Variants in CPE observed in about 807,000 individuals in gnomAD.
The protein encoded by CPE is carbocypeptidase E.
A neutral mutation model predicts 53.5 loss-of-function variants in CPE; 17 were observed. That is an observed-to-expected ratio of 0.32 (90% confidence interval 0.22 to 0.48). The LOEUF (loss-of-function observed/expected upper bound fraction) is 0.48. Ranked by LOEUF, CPE falls within the 20% of genes least tolerant of loss-of-function variation. The pLI is 0.99. For missense variants in CPE, 524 were observed against 614.7 expected (o/e 0.85, Z 1.56); for synonymous variants, 226 against 228.8 (o/e 0.99, Z 0.11).
At chr4:165,472,950 G>A (rs1732234552) in intron 3 of CPE, among the ~76,000 whole-genome samples, 1 of 144,248 alleles carries the variant, frequency 6.9e-6, no homozygotes, top group African/African-American at 2.8e-5. Flanking sequence ...TACTAGGTTT[G>A]CAGCTTAGGA....
chr4:165,410,423 G>A (rs1358183998), intron 1 of CPE, among the ~76,000 whole-genome samples: 1 of 152,008 alleles, frequency 6.6e-6, no homozygotes, highest in Admixed American at 6.6e-5. Context: ...ACATCACACC[G>A]GCACTGGGTA....
intron 2 of CPE, among the ~76,000 whole-genome samples, chr4:165,467,065 A>G (rs1732118270): frequency 6.6e-6 from 1 of 152,196 alleles, no homozygotes; most frequent in South Asian, 2.1e-4. Flanking sequence ...GCTTATATCT[A>G]TAATCCCAGT....
chr4:165,456,282 G>A (rs559040923), intron 1 of CPE, among the ~76,000 whole-genome samples: 1 of 151,952 alleles, frequency 6.6e-6, no homozygotes, highest in Non-Finnish European at 1.5e-5. Context: ...ATATACTCTC[G>A]TGAGTCAGTA....
intron 1 of CPE, among the ~76,000 whole-genome samples, chr4:165,396,331 A>C (rs1369061304): frequency 6.6e-6 from 1 of 152,166 alleles, no homozygotes; most frequent in African/African-American, 2.4e-5. Flanking sequence ...GATCTAAAGA[A>C]GTGAGCTATC....
At position 165,379,598 on chromosome 4, in the gene CPE, C is replaced by A; in HGVS notation, c.307+70C>A. 1 of 185,834 alleles carries A rather than the reference C, an allele frequency of 5.4e-6. No homozygotes were observed. Among genetic ancestry groups the A allele is most frequent in the Non-Finnish European group, 1.1e-5 (1 of 92,718 alleles). The allele number at this position is 185,834 out of a possible 1,614,324, so 11.5% of individuals were successfully genotyped here. On this transcript the variant is annotated intron_variant, in intron 1 of 8. Coordinates refer to ENST00000402744, the MANE Select transcript of CPE (RefSeq NM_001873.4). The surrounding 1 kb of genome is among the most constrained non-coding windows in gnomAD (Gnocchi z 6.0). ...GGGCGGCAGAGGGTGGGACTGGTGGCGGTGGGGGAAGGAGGGAGGGATGGG... is the reference window on the plus strand; with the variant it reads ...GGGCGGCAGAGGGTGGGACTGGTGGAGGTGGGGGAAGGAGGGAGGGATGGG...
chr4:165,430,246 G>A (rs146806575), intron 1 of CPE, among the ~76,000 whole-genome samples: 2 of 152,294 alleles, frequency 1.3e-5, no homozygotes, highest in African/African-American at 4.8e-5. Context: ...TTTGGAAGAA[G>A]TAATCTTAGT....
At chr4:165,432,679 C>G (rs985906784) in intron 1 of CPE, among the ~76,000 whole-genome samples, 1 of 152,126 alleles carries the variant, frequency 6.6e-6, no homozygotes, top group African/African-American at 2.4e-5. Context: ...CTCCTTTTCC[C>G]TCAGTAATTT....
intron 1 of CPE, among the ~76,000 whole-genome samples, chr4:165,433,636 C>A (rs1022464387): frequency 2.0e-5 from 3 of 152,146 alleles, no homozygotes; most frequent in Admixed American, 2.0e-4. Flanking sequence ...GAGAAAGCAG[C>A]CATAGCCAGT....
intron 1 of CPE, among the ~76,000 whole-genome samples, chr4:165,420,768 C>T (rs1731198514): frequency 6.6e-6 from 1 of 152,050 alleles, no homozygotes; most frequent in Non-Finnish European, 1.5e-5. Flanking sequence ...TTCAAATAAC[C>T]ATTCTTCTGA....
intron 1 of CPE, chr4:165,404,881 C>G: frequency 2.6e-6 from 2 of 763,114 alleles, no homozygotes. Flanking sequence ...CAATCACCTT[C>G]TCAGGTCTTT....
chr4:165,416,113 C>T (rs926276684), intron 1 of CPE, among the ~76,000 whole-genome samples: 6 of 152,220 alleles, frequency 3.9e-5, no homozygotes, highest in African/African-American at 1.4e-4. Flanking sequence ...TACTTCCCTA[C>T]TCCTGCGCCA....
At chr4:165,435,694 A>G (rs1184205737) in intron 1 of CPE, among the ~76,000 whole-genome samples, 3 of 148,246 alleles carry the variant, frequency 2.0e-5, no homozygotes, top group Admixed American at 6.7e-5. Context: ...TTTATCGTAT[A>G]TAATAATACG....
intron 3 of CPE, among the ~76,000 whole-genome samples, chr4:165,478,811 C>T (rs1482255412): frequency 6.6e-6 from 1 of 152,176 alleles, no homozygotes; most frequent in African/African-American, 2.4e-5. Flanking sequence ...ACCAACCCTC[C>T]CTCTCAGAGA....
At chr4:165,488,348 A>G (rs1732543419) in intron 6 of CPE, among the ~76,000 whole-genome samples, 1 of 152,204 alleles carries the variant, frequency 6.6e-6, no homozygotes, top group African/African-American at 2.4e-5. Context: ...GATCTTTACC[A>G]GAGAGTCATT....
rs1234597764 is a variant in CPE, at chr4:165,404,540, G to C, written c.307+25012G>C. On this transcript the variant is annotated intron_variant, in intron 1 of 8. Coordinates refer to ENST00000402744, the MANE Select transcript of CPE (RefSeq NM_001873.4). ...TCCACCTCCAAACTGCTCCCCAAAG[G>C]CTTTGCCCAGATCTTTGGCCACATG... 5 of 880,522 alleles carry C rather than the reference G, an allele frequency of 5.7e-6. No individual in the cohort carries two copies. The East Asian group carries it at 1.2e-4, about 21-fold the overall frequency. 54.5% of individuals were successfully genotyped at this position (880,522 alleles called of 1,614,324 possible).
At chr4:165,391,554 A>G (rs929792126) in intron 1 of CPE, among the ~76,000 whole-genome samples, 3 of 152,152 alleles carry the variant, frequency 2.0e-5, no homozygotes, top group East Asian at 3.8e-4. Context: ...ACATTCATTC[A>G]CCAGGCATTT....
chr4:165,452,412 T>C (rs1731828748), intron 1 of CPE, among the ~76,000 whole-genome samples: 1 of 152,072 alleles, frequency 6.6e-6, no homozygotes, highest in African/African-American at 2.4e-5. Flanking sequence ...TATAATTATA[T>C]ATTTATGTAC....
At chr4:165,480,999 T>C (rs1167729938) in intron 3 of CPE, among the ~76,000 whole-genome samples, 1 of 110,840 alleles carries the variant, frequency 9.0e-6, no homozygotes, top group African/African-American at 3.5e-5. Context: ...ACAATGGATA[T>C]ATATATATAT....
rs567297358 is a variant in CPE, at chr4:165,409,098, T to C, written c.307+29570T>C. Among the ~76,000 whole-genome samples, 9 of 152,270 alleles carry C rather than the reference T, an allele frequency of 5.9e-5. No individual in the cohort carries two copies. The East Asian group carries it at 1.7e-3, about 29-fold the overall frequency. On this transcript the variant is annotated intron_variant, in intron 1 of 8. Transcript: ENST00000402744. The stretch of plus-strand genomic sequence containing the variant: ...AAGCTCTTGAGCACATAAGCAAGTA[T>C]ATGGCGGAGTGGGTGGTGGTTCCGG...
Sources: gnomAD v4.1 joint callset for allele counts (sites outside exome capture counted in the v4.1 genomes callset) on GRCh38, gnomAD v4.1.1 for gene constraint, Gnocchi (gnomAD v3.1) non-coding constraint, MANE v1.5 for transcripts, NCBI Gene and HGNC (gene_info 2026-07-23, HGNC 2026-07-21) for gene names.